The following USP53 variants were observed in gnomAD, a reference collection of about 807,000 sequenced individuals.
USP53 encodes the protein ubiquitin specific peptidase 53.
USP53 carries 71 observed loss-of-function variants against 94.9 expected under a neutral mutation model. The ratio of observed to expected loss-of-function variants is 0.75; its 90% CI spans 0.62 to 0.91. USP53 has a LOEUF of 0.91. Ranked by LOEUF, USP53 falls within the 40% of genes least tolerant of loss-of-function variation. The pLI, the probability that USP53 is intolerant of heterozygous loss-of-function variation, is 0.00. For synonymous variants in USP53, 375 were observed against 422.7 expected (o/e 0.89, Z 1.39); for missense variants, 1,173 against 1,281.0 (o/e 0.92, Z 1.29).
intron 17 of USP53, among the ~76,000 whole-genome samples, chr4:119,278,078 T>C (rs1359417011): frequency 6.6e-6 from 1 of 150,476 alleles, no homozygotes; most frequent in African/African-American, 2.5e-5. Flanking sequence ...TGTCTTTTAA[T>C]TGGAGAATTT....
At chr4:119,253,026 C>G (rs528173932) in intron 7 of USP53, among the ~76,000 whole-genome samples, 2 of 152,130 alleles carry the variant, frequency 1.3e-5, no homozygotes, top group African/African-American at 4.8e-5. Context: ...TGTTCATTTT[C>G]CATCTAGTTG....
intron 3 of USP53, among the ~76,000 whole-genome samples, chr4:119,234,582 ATAT>A (rs1372004825): frequency 2.0e-5 from 3 of 152,234 alleles, no homozygotes; most frequent in African/African-American, 7.2e-5. Context: ...TTTATTGAAA[ATAT>A]TATTTCAAAA....
rs747532842 is a variant in USP53 at position 119,292,408 on chromosome 4, G to C, written c.2419G>C (p.Ala807Pro). 6.2e-7 allele frequency: 1 copy of C among 1,613,860 alleles called. No individual in the cohort carries two copies. The highest frequency in any genetic ancestry group is 8.5e-7 in the Non-Finnish European group (1 of 1,179,876). ...TCTACAAATACCCAAGGACCATAAT[G>C]CAAGAGAACATATCCACCAGTCAGA... ...SSLQIPKDHN[A>P]REHIHQSDEQ... The change falls in exon 19 of 19, where the codon GCA (alanine) becomes CCA (proline). Residue 807 changes from alanine (A) to proline (P), a missense_variant. By Grantham distance (27) the Ala-to-Pro change is conservative (BLOSUM62 -1). Transcript: ENST00000692078.
Position 119,292,376 on chromosome 4 carries a change from C to T in USP53, c.2387C>T (p.Ser796Leu), listed in dbSNP as rs1370654467. 1 of 1,609,014 alleles carries T rather than the reference C, an allele frequency of 6.2e-7. No individual in the cohort carries two copies. Among genetic ancestry groups the T allele is most frequent in the Non-Finnish European group, 8.5e-7 (1 of 1,178,416 alleles). ...GAAGACAATGGAAAGTTATTTCCTT[C>T]ATCCAGTCTACAAATACCCAAGGAC... ...VHEDNGKLFP[S>L]SSLQIPKDHN... Residue 796 changes from serine to leucine, a missense_variant, in exon 19 of 19, where the codon TCA becomes TTA. By Grantham distance (145) the Ser-to-Leu change is moderately radical (BLOSUM62 -2). Coordinates refer to ENST00000692078, the MANE Select transcript of USP53 (RefSeq NM_001371395.1).
intron 17 of USP53, among the ~76,000 whole-genome samples, chr4:119,282,748 C>A (rs1406825021): frequency 6.6e-6 from 1 of 151,846 alleles, no homozygotes; most frequent in Non-Finnish European, 1.5e-5. Context: ...ACTTGCTGTG[C>A]ATGGTTTTTT....
At chr4:119,218,092 T>C (rs1744044290) in intron 3 of USP53, 1 of 152,174 alleles carries the variant, frequency 6.6e-6, no homozygotes, top group Non-Finnish European at 1.5e-5. Flanking sequence ...TGGCCAAGAC[T>C]AGAATTGTTG....
chr4:119,270,630 A>C (rs1751734490), intron 15 of USP53, among the ~76,000 whole-genome samples: 1 of 152,184 alleles, frequency 6.6e-6, no homozygotes, highest in African/African-American at 2.4e-5. Flanking sequence ...CTCTTTACTT[A>C]GTATTTCCAT....
At chr4:119,213,641 G>GATATATTATATATATATATATATATATAT (rs1553961986) in intron 1 of USP53, among the ~76,000 whole-genome samples, 1 of 108,114 alleles carries the variant, frequency 9.2e-6, no homozygotes, top group African/African-American at 4.2e-5. Context: ...TCTGGAAATA[G>GATATATTATATATATATATATATATATAT]ATATATATAT....
intron 5 of USP53, among the ~76,000 whole-genome samples, chr4:119,241,131 A>G (rs1035650148): frequency 4.6e-5 from 7 of 152,134 alleles, no homozygotes; most frequent in African/African-American, 9.7e-5. Flanking sequence ...TTAGCACCCA[A>G]AATACTATGT....
chr4:119,218,204 T>C (rs1744055762), intron 3 of USP53: 1 of 152,188 alleles, frequency 6.6e-6, no homozygotes, highest in Admixed American at 6.5e-5. Context: ...AAGATAAAGT[T>C]GCCATTGGCT....
Position 119,272,116 on chromosome 4 carries a change from T to A in USP53, c.2174+82T>A, listed in dbSNP as rs568839137. 2.8e-6 allele frequency: 4 copies of A among 1,444,396 alleles called. No homozygotes were observed. The East Asian group carries it at 9.2e-5, about 33-fold the overall frequency. The allele number at this position is 1,444,396 out of a possible 1,614,324, so 89.5% of individuals were successfully genotyped here. A position where few individuals can be genotyped will look rare whatever the true frequency, so the allele number is the denominator to read the frequency against. ...ATGAAGTAATTTTTGAAGTTTGGGG[T>A]CAATTAAATAGAACAGAAACAGCAT... On this transcript the variant is annotated intron_variant, in intron 16 of 18. Transcript: ENST00000692078.
chr4:119,260,960 T>C (rs1336067367), intron 11 of USP53, among the ~76,000 whole-genome samples: 7 of 76,940 alleles, frequency 9.1e-5, no homozygotes, highest in East Asian at 5.2e-4. Flanking sequence ...CTTTTTTTTT[T>C]TTTTTTTTTT....
intron 3 of USP53, among the ~76,000 whole-genome samples, chr4:119,222,546 A>T (rs573337612): frequency 2.6e-5 from 4 of 152,182 alleles, no homozygotes; most frequent in Admixed American, 1.3e-4. Context: ...GAGTGAGTAC[A>T]TGGGATATTT....
intron 3 of USP53, among the ~76,000 whole-genome samples, chr4:119,225,852 T>C (rs1578416573): frequency 6.6e-6 from 1 of 152,180 alleles, no homozygotes; most frequent in East Asian, 1.9e-4. Flanking sequence ...GTAAAAGTTA[T>C]TTAAAATTTA....
intron 5 of USP53, 51 bp downstream of exon 5, chr4:119,239,954 CT>C: frequency 7.5e-7 from 1 of 1,335,120 alleles, no homozygotes; most frequent in South Asian, 2.4e-5. Context: ...TCAGAAAATC[CT>C]TTGTTTAATG....
intron 17 of USP53, among the ~76,000 whole-genome samples, chr4:119,280,210 G>A (rs1022710753): frequency 6.6e-6 from 1 of 151,564 alleles, no homozygotes; most frequent in African/African-American, 2.4e-5. Flanking sequence ...TGATTTAGAT[G>A]ATGAAGTCTT....
chr4:119,290,158 G>A (rs900865698), intron 17 of USP53, among the ~76,000 whole-genome samples: 12 of 152,096 alleles, frequency 7.9e-5, no homozygotes, highest in Admixed American at 2.6e-4. Context: ...TTTATGTGGT[G>A]CCATATTGAC....
At position 119,245,303 on chromosome 4, in the gene USP53, A is replaced by C. The variant is rs780192759; in HGVS notation, c.145-34A>C. ...TTGTTACAGTAAGAAAAATTTGTTT[A>C]TTTCTTTTTCCTTAACATCTCCCTG... On this transcript the variant is annotated intron_variant, in intron 5 of 18. Transcript: ENST00000692078. 8.1e-6 allele frequency: 13 copies of C among 1,596,496 alleles called. No homozygotes were observed. The East Asian group carries it at 2.7e-4, about 33-fold the overall frequency.
At chr4:119,284,338 G>C (rs2149467259) in intron 17 of USP53, among the ~76,000 whole-genome samples, 1 of 150,740 alleles carries the variant, frequency 6.6e-6, no homozygotes. Context: ...AGCTGAATCT[G>C]GAGAAAGGAT....
Sources: gnomAD v4.1 joint callset for allele counts (sites outside exome capture counted in the v4.1 genomes callset) on GRCh38, gnomAD v4.1.1 for gene constraint, MANE v1.5 for transcripts, NCBI Gene and HGNC (gene_info 2026-07-23, HGNC 2026-07-21) for gene names.